The following FANCB variants were observed in gnomAD, a reference collection of about 807,000 sequenced individuals.
FANCB encodes the protein Fanconi anemia group B protein.
In FANCB, 5 loss-of-function variants were observed where a neutral mutation model predicts 38.9. The observed-to-expected ratio is 0.13, with a 90% CI of 0.07 to 0.27. FANCB has a LOEUF of 0.27. Ranked by LOEUF, FANCB falls within the 10% of genes least tolerant of loss-of-function variation. The pLI is 1.00. For missense variants in FANCB, 573 were observed against 602.7 expected, an observed-to-expected ratio of 0.95 and a Z score of 0.52; for synonymous variants, 236 against 215.4, an observed-to-expected ratio of 1.10 and a Z score of -0.84.
chrX:14,745,387 G>T, the FANCB span, among the ~76,000 whole-genome samples: 2 of 111,227 alleles, frequency 1.8e-5, no homozygotes, highest in East Asian at 2.8e-4. Flanking sequence ...GAAATTAGTT[G>T]GTTATTTCTT....
At chrX:14,852,895 C>A (rs773646792) in intron 6 of FANCB, 144 bp downstream of exon 6, 87 of 426,417 alleles carry the variant, frequency 2.0e-4, no homozygotes, top group Non-Finnish European at 5.0e-5. Flanking sequence ...TAAAAGTCCA[C>A]CATTATAACC....
At chrX:14,812,692 G>A in the FANCB span, among the ~76,000 whole-genome samples, 1 of 107,719 alleles carries the variant, frequency 9.3e-6, no homozygotes, top group South Asian at 4.0e-4. Context: ...CAACCAAAAA[G>A]AGTCCAGGAC....
At chrX:14,707,669 A>G in the FANCB span, among the ~76,000 whole-genome samples, 1 of 106,542 alleles carries the variant, frequency 9.4e-6, no homozygotes, top group Non-Finnish European at 1.9e-5. Context: ...TTTTGTTGCC[A>G]TTAGATATAT....
chrX:14,785,293 T>C, the FANCB span, among the ~76,000 whole-genome samples: 2 of 111,831 alleles, frequency 1.8e-5, no homozygotes, highest in African/African-American at 6.5e-5. Context: ...AGGTAACATA[T>C]GCACAGGTTC....
At chrX:14,865,728 T>G (rs1408428684) in intron 2 of FANCB, 148 bp from the exon 3 acceptor site, 2 of 333,184 alleles carry the variant, frequency 6.0e-6, no homozygotes, top group African/African-American at 5.3e-5. Flanking sequence ...ATATCATACT[T>G]ATAAAAAAAA....
the FANCB span, among the ~76,000 whole-genome samples, chrX:14,807,600 T>C: frequency 7.2e-5 from 8 of 111,827 alleles, no homozygotes; most frequent in Non-Finnish European, 1.5e-4. Flanking sequence ...TAGGCAGGAC[T>C]ATTACTCTCC....
chrX:14,715,619 A>G, the FANCB span, among the ~76,000 whole-genome samples: 2 of 111,932 alleles, frequency 1.8e-5, no homozygotes, highest in African/African-American at 6.5e-5. Context: ...AGGGGTCAAG[A>G]AAAGGCATTC....
rs747865842 is a variant in FANCB at position 14,843,919 on chromosome X, A to C, written c.2228T>G (p.Phe743Cys). ...ACTTCCTGATTTTAGATTTTTGAGG[A>C]AACAGTTTATAGGGAGAATTCTGAT... ...NLIRILPINC[F>C]LKNLKSGSEN... The change falls in exon 10 of 10, where the codon TTC (phenylalanine) becomes TGC (cysteine). Residue 743 changes from phenylalanine to cysteine, a missense_variant. Transcript: ENST00000650831. 49 of 1,200,821 alleles carry C rather than the reference A, an allele frequency of 4.1e-5. No homozygotes were observed. The African/African-American group carries it at 7.9e-4, about 19-fold the overall frequency.
chrX:14,823,530 T>C, the FANCB span, among the ~76,000 whole-genome samples: 1 of 112,243 alleles, frequency 8.9e-6, no homozygotes, highest in Admixed American at 9.4e-5. Flanking sequence ...ATGTAATTAC[T>C]GATATAGTTG....
At chrX:14,813,498 C>T in the FANCB span, among the ~76,000 whole-genome samples, 1 of 111,541 alleles carries the variant, frequency 9.0e-6, no homozygotes, top group African/African-American at 3.3e-5. Flanking sequence ...GTACAAAAAT[C>T]ACAAGCATTC....
intron 1 of FANCB, among the ~76,000 whole-genome samples, chrX:14,872,381 C>T (rs1005216435): frequency 4.5e-5 from 5 of 112,166 alleles, no homozygotes; most frequent in Non-Finnish European, 5.6e-5. Flanking sequence ...CAACTATTTT[C>T]TTTCAATTGT....
At chrX:14,739,987 G>A in the FANCB span, among the ~76,000 whole-genome samples, 3 of 111,360 alleles carry the variant, frequency 2.7e-5, no homozygotes, top group African/African-American at 9.8e-5. Context: ...GTACCACACT[G>A]GCCCTCTTGC....
chrX:14,795,621 A>G, the FANCB span, among the ~76,000 whole-genome samples: 1 of 112,111 alleles, frequency 8.9e-6, no homozygotes, highest in Non-Finnish European at 1.9e-5. Flanking sequence ...ATTGGATGAC[A>G]AGACAATTGA....
chrX:14,833,093 T>C (rs1006689924), downstream of FANCB, among the ~76,000 whole-genome samples: 4 of 112,389 alleles, frequency 3.6e-5, no homozygotes, highest in Admixed American at 2.8e-4. Context: ...ATAACCTAAA[T>C]GGTAAAATGT....
At chrX:14,866,474 A>T (rs1291955119) in intron 2 of FANCB, among the ~76,000 whole-genome samples, 2 of 111,716 alleles carry the variant, frequency 1.8e-5, no homozygotes, top group Non-Finnish European at 3.8e-5. Flanking sequence ...TTACAACACT[A>T]ATCCACAGTT....
the FANCB span, among the ~76,000 whole-genome samples, chrX:14,808,812 T>A: frequency 8.9e-6 from 1 of 112,318 alleles, no homozygotes; most frequent in Non-Finnish European, 1.9e-5. Context: ...CATTTGGAAA[T>A]ACCTAAAGAC....
intron 10 of FANCB, among the ~76,000 whole-genome samples, chrX:14,837,334 A>G (rs1386336664): frequency 8.9e-6 from 1 of 112,405 alleles, no homozygotes; most frequent in African/African-American, 3.2e-5. Context: ...GGGCCTAGAC[A>G]TGTTTCAAAG....
At chrX:14,760,593 A>G in the FANCB span, among the ~76,000 whole-genome samples, 10 of 112,173 alleles carry the variant, frequency 8.9e-5, no homozygotes, top group African/African-American at 2.9e-4. Context: ...TCATTATACA[A>G]TGTATACACA....
the FANCB span, among the ~76,000 whole-genome samples, chrX:14,707,900 A>G: frequency 9.0e-6 from 1 of 111,144 alleles, no homozygotes; most frequent in Non-Finnish European, 1.9e-5. Context: ...ATATATGTAT[A>G]CACTGTGAAA....
Sources: allele counts gnomAD v4.1 joint callset (sites outside exome capture counted in the v4.1 genomes callset), GRCh38; gene constraint gnomAD v4.1.1; transcripts MANE v1.5; gene names NCBI Gene and HGNC (gene_info 2026-07-23, HGNC 2026-07-21).